The following KCNK13 variants were observed in gnomAD, a reference collection of about 807,000 sequenced individuals.
KCNK13 encodes potassium channel subfamily K member 13.
In KCNK13, 12 loss-of-function variants were observed where a neutral mutation model predicts 23.4. The ratio of observed to expected loss-of-function variants is 0.51; its 90% CI spans 0.33 to 0.83. KCNK13 has a LOEUF of 0.83. Among genes scored for constraint, KCNK13 ranks in the 40% least tolerant of loss-of-function variants. KCNK13 has a pLI of 0.02. For missense variants in KCNK13, 463 were observed against 556.3 expected (o/e 0.83, Z 1.69); for synonymous variants, 231 against 229.5 (o/e 1.01, Z -0.06).
At chr14:90,139,963 AAAAC>A (rs1328802555) in intron 1 of KCNK13, among the ~76,000 whole-genome samples, 1 of 152,156 alleles carries the variant, frequency 6.6e-6, no homozygotes, top group Non-Finnish European at 1.5e-5. Flanking sequence ...GTACGTCTCA[AAAAC>A]AAACAAAAAA....
At chr14:90,139,507 CTTTCCTTTTGTACAGCGTGGT>C (rs1889978611) in intron 1 of KCNK13, among the ~76,000 whole-genome samples, 1 of 78,420 alleles carries the variant, frequency 1.3e-5, no homozygotes, top group Non-Finnish European at 3.7e-5. Flanking sequence ...AGGTGGAGTT[CTTTCCTTTTGTACAGCGTGGT>C]GCCGTTGAAG....
chr14:90,109,477 C>T (rs192490748), intron 1 of KCNK13, among the ~76,000 whole-genome samples: 13 of 140,336 alleles, frequency 9.3e-5, no homozygotes, highest in Non-Finnish European at 1.5e-4. Flanking sequence ...GGTGTGATCT[C>T]GGCTCACTGC....
intron 1 of KCNK13, among the ~76,000 whole-genome samples, chr14:90,097,728 G>T (rs1040458603): frequency 1.9e-4 from 29 of 152,178 alleles, no homozygotes; most frequent in South Asian, 4.2e-4. Flanking sequence ...TGCCATTTGT[G>T]GACTAAGCAA....
intron 1 of KCNK13, among the ~76,000 whole-genome samples, chr14:90,086,036 T>A (rs1889272336): frequency 6.6e-6 from 1 of 151,306 alleles, no homozygotes; most frequent in Non-Finnish European, 1.5e-5. Context: ...TACTTAACTA[T>A]GATATGGATA....
intron 1 of KCNK13, among the ~76,000 whole-genome samples, chr14:90,086,266 G>A: frequency 6.6e-6 from 1 of 152,006 alleles, no homozygotes. Flanking sequence ...TTCCTCTCCT[G>A]TGGTACTATA....
At chr14:90,149,025 G>C (rs1890105274) in intron 1 of KCNK13, among the ~76,000 whole-genome samples, 1 of 152,152 alleles carries the variant, frequency 6.6e-6, no homozygotes, top group South Asian at 2.1e-4. Flanking sequence ...TTTTCATACT[G>C]CTATGAAGAA....
At chr14:90,143,145 A>AACTTACTT (rs1192172869) in intron 1 of KCNK13, among the ~76,000 whole-genome samples, 2 of 42,534 alleles carry the variant, frequency 4.7e-5, no homozygotes, top group Non-Finnish European at 9.8e-5. Context: ...GAAGAGCAGA[A>AACTTACTT]ACTTTCTTTC....
chr14:90,134,498 A>G (rs558090353), intron 1 of KCNK13, among the ~76,000 whole-genome samples: 4 of 152,214 alleles, frequency 2.6e-5, no homozygotes, highest in East Asian at 1.9e-4. Context: ...TTAACTCTCC[A>G]TAAGAAAGAT....
At chr14:90,104,791 C>CTTTTTTTTTT (rs66511223) in intron 1 of KCNK13, among the ~76,000 whole-genome samples, 5 of 113,514 alleles carry the variant, frequency 4.4e-5, no homozygotes, top group East Asian at 2.6e-4. Flanking sequence ...CTTTTCTTTT[C>CTTTTTTTTTT]TTTTTTTTTT....
chr14:90,085,515 C>T (rs905377850), intron 1 of KCNK13, among the ~76,000 whole-genome samples: 1 of 150,428 alleles, frequency 6.6e-6, no homozygotes, highest in Non-Finnish European at 1.5e-5. Flanking sequence ...AAAAATTAGC[C>T]GGGCATGGTG....
chr14:90,134,808 T>C (rs1035742927), intron 1 of KCNK13, among the ~76,000 whole-genome samples: 2 of 152,224 alleles, frequency 1.3e-5, no homozygotes, highest in African/African-American at 4.8e-5. Context: ...TTTCCTACAA[T>C]GAAGATATAT....
rs1889480933 is a variant in KCNK13, at chr14:90,101,789, CCAAAA to C, written c.334+39251_334+39255del. 4.5e-4 allele frequency among the ~76,000 whole-genome samples: 7 copies of C among 15,480 alleles called. No individual in the cohort carries two copies. The South Asian group carries it at 0.019, about 42-fold the overall frequency. The allele number at this position is 15,480 out of a possible 152,430, so 10.2% of individuals were successfully genotyped here. A position where few individuals can be genotyped will look rare whatever the true frequency, so the allele number is the denominator to read the frequency against. ...TGGGCAACAGAGTGAGACTCCGTCT[CCAAAA>C]AAAAAAAAAAAAAAAAAACCTCACA... On this transcript the variant is annotated intron_variant, in intron 1 of 1. Transcript: ENST00000282146.
chr14:90,120,516 A>G lies in KCNK13; in HGVS notation c.334+57977A>G, dbSNP rs372791987. 2.6e-4 allele frequency among the ~76,000 whole-genome samples: 39 copies of G among 152,330 alleles called. 1 individual carries two copies. The East Asian group carries it at 3.1e-3, about 12-fold the overall frequency. On this transcript the variant is annotated intron_variant, in intron 1 of 1. Transcript: ENST00000282146. ...GGGAAGCAAACACGTCCTTCTTCACATGGTGGCAGGACAGAGAAGTGAGTG... is the reference window on the plus strand; with the variant it reads ...GGGAAGCAAACACGTCCTTCTTCACGTGGTGGCAGGACAGAGAAGTGAGTG...
chr14:90,069,030 C>CTTTTTTTTTTTTT (rs34881625), intron 1 of KCNK13, among the ~76,000 whole-genome samples: 1 of 90,122 alleles, frequency 1.1e-5, no homozygotes, highest in Non-Finnish European at 2.1e-5. Context: ...AGTTTTTATT[C>CTTTTTTTTTTTTT]TTTTTTTTTT....
chr14:90,142,390 C>T lies in KCNK13; in HGVS notation c.335-41721C>T, dbSNP rs181153670. On this transcript the variant is annotated intron_variant, in intron 1 of 1. Coordinates refer to ENST00000282146, the MANE Select transcript of KCNK13 (RefSeq NM_022054.4). ...CTGGAGTGCAGTGGCATGATCTCGG[C>T]TCACTGCAAGCTCCGCCTCCCAGGT... Among the ~76,000 whole-genome samples the T allele has an allele frequency of 4.6e-3, 618 of 134,526 alleles. 4 individuals carry two copies. Among genetic ancestry groups the T allele is most frequent in the African/African-American group, 0.017 (592 of 35,164 alleles). 88.3% of individuals were successfully genotyped at this position (134,526 alleles called of 152,430 possible).
chr14:90,063,534 G>A (rs1888971124), intron 1 of KCNK13, among the ~76,000 whole-genome samples: 1 of 152,174 alleles, frequency 6.6e-6, no homozygotes, highest in South Asian at 2.1e-4. Context: ...ACCTGGAGCA[G>A]GGGAGGGAGG....
At chr14:90,065,235 C>T (rs1888994499) in intron 1 of KCNK13, among the ~76,000 whole-genome samples, 1 of 152,122 alleles carries the variant, frequency 6.6e-6, no homozygotes, top group Non-Finnish European at 1.5e-5. Context: ...AAAATTAATT[C>T]CACCATGCTT....
intron 1 of KCNK13, among the ~76,000 whole-genome samples, chr14:90,073,523 G>C (rs1235137401): frequency 2.0e-5 from 3 of 152,216 alleles, no homozygotes; most frequent in African/African-American, 7.2e-5. Context: ...CTTTTAAGCA[G>C]CTGATGAAGA....
chr14:90,074,126 C>G (rs1236604374), intron 1 of KCNK13, among the ~76,000 whole-genome samples: 1 of 152,044 alleles, frequency 6.6e-6, no homozygotes. Context: ...TGCACCACCA[C>G]ACCTGGCTAA....
Sources: gnomAD v4.1 joint callset for allele counts (sites outside exome capture counted in the v4.1 genomes callset) on GRCh38, gnomAD v4.1.1 for gene constraint, MANE v1.5 for transcripts, NCBI Gene and HGNC (gene_info 2026-07-23, HGNC 2026-07-21) for gene names.